VAV1: variants seen among roughly 807,000 people sequenced by gnomAD.
VAV1 encodes proto-oncogene vav.
In VAV1, 33 loss-of-function variants were observed where a neutral mutation model predicts 128.1. The ratio of observed to expected loss-of-function variants is 0.26; its 90% confidence interval spans 0.20 to 0.34. VAV1 has a LOEUF of 0.34. VAV1 is among the 10% of genes least tolerant of loss of function. The pLI, the probability that VAV1 is intolerant of heterozygous loss-of-function variation, is 1.00. For synonymous variants in VAV1, 394 were observed against 409.8 expected, an observed-to-expected ratio of 0.96 and a Z score of 0.47; for missense variants, 715 against 1,093.7, an observed-to-expected ratio of 0.65 and a Z score of 4.88.
At position 6,824,911 on chromosome 19, in the gene VAV1, T is replaced by C. The variant is rs1304360495; in HGVS notation, c.655-142T>C. The stretch of plus-strand genomic sequence containing the variant: ...TTTGGGTTATTATGAATAATTTCAC[T>C]GTGAACATTCTTGTACAAGTTTTTG... On this transcript the variant is annotated intron_variant, in intron 6 of 26. Transcript: ENST00000602142. 5.6e-6 allele frequency: 5 copies of C among 896,842 alleles called. No individual in the cohort carries two copies. The African/African-American group carries it at 6.6e-5, about 12-fold the overall frequency. 55.6% of individuals were successfully genotyped at this position (896,842 alleles called of 1,614,324 possible).
At chr19:6,795,275 C>A (rs1971107001) in intron 1 of VAV1, among the ~76,000 whole-genome samples, 1 of 151,898 alleles carries the variant, frequency 6.6e-6, no homozygotes, top group South Asian at 2.1e-4. Flanking sequence ...CCTGGCAGCG[C>A]AAAACAAAGG....
intron 1 of VAV1, among the ~76,000 whole-genome samples, chr19:6,799,329 G>C (rs1201120581): frequency 6.6e-6 from 1 of 151,964 alleles, no homozygotes; most frequent in Non-Finnish European, 1.5e-5. Flanking sequence ...CACCACGCCT[G>C]GCTAATTTTT....
chr19:6,789,597 T>C (rs958705464), intron 1 of VAV1, among the ~76,000 whole-genome samples: 1 of 151,196 alleles, frequency 6.6e-6, no homozygotes, highest in African/African-American at 2.4e-5. Flanking sequence ...CTTTCCCTCC[T>C]TCCTTCCTTC....
At chr19:6,795,796 G>C (rs1489705186) in intron 1 of VAV1, among the ~76,000 whole-genome samples, 2 of 152,188 alleles carry the variant, frequency 1.3e-5, no homozygotes, top group African/African-American at 4.8e-5. Flanking sequence ...TGATTCTCCT[G>C]TCTCAGCCTC....
intron 1 of VAV1, among the ~76,000 whole-genome samples, chr19:6,806,288 T>C (rs756041810): frequency 2.6e-5 from 4 of 152,208 alleles, no homozygotes; most frequent in Non-Finnish European, 4.4e-5. Context: ...GGTTTCACCA[T>C]GTTGGTCTGG....
At chr19:6,849,707 AATTC>A (rs1258397775) in intron 23 of VAV1, among the ~76,000 whole-genome samples, 11 of 152,118 alleles carry the variant, frequency 7.2e-5, no homozygotes, top group Non-Finnish European at 1.6e-4. Context: ...TTTCTGTATT[AATTC>A]ATTTAGGATA....
intron 26 of VAV1, among the ~76,000 whole-genome samples, chr19:6,856,350 G>T (rs990736162): frequency 3.3e-5 from 5 of 151,884 alleles, no homozygotes; most frequent in African/African-American, 1.2e-4. Flanking sequence ...GCAGGGAGGG[G>T]AACAGACAAA....
intron 1 of VAV1, among the ~76,000 whole-genome samples, chr19:6,811,085 G>T (rs1484808468): frequency 1.3e-5 from 2 of 151,964 alleles, no homozygotes; most frequent in African/African-American, 4.8e-5. Flanking sequence ...GCCCAGGCTG[G>T]AGTGCAGTGG....
intron 1 of VAV1, among the ~76,000 whole-genome samples, chr19:6,795,746 C>T (rs371344768): frequency 2.1e-4 from 32 of 152,192 alleles, no homozygotes; most frequent in South Asian, 1.7e-3. Context: ...TGCAGTGGTG[C>T]GATCTCAGCT....
intron 1 of VAV1, among the ~76,000 whole-genome samples, chr19:6,789,122 TGGAG>T (rs1970958476): frequency 6.6e-6 from 1 of 152,232 alleles, no homozygotes; most frequent in South Asian, 2.1e-4. Flanking sequence ...AAACCAGTTT[TGGAG>T]GGAGTGAGCT....
intron 21 of VAV1, among the ~76,000 whole-genome samples, chr19:6,841,167 G>A (rs1244596645): frequency 6.6e-6 from 1 of 151,708 alleles, no homozygotes; most frequent in Non-Finnish European, 1.5e-5. Flanking sequence ...CACCCTCCTT[G>A]GCTTCCCAAA....
chr19:6,818,548 A>G lies in VAV1; in HGVS notation c.205-2154A>G, dbSNP rs113999562. 5.0e-3 allele frequency among the ~76,000 whole-genome samples: 765 copies of G among 152,212 alleles called. 5 individuals carry two copies. The highest frequency in any genetic ancestry group is 0.018 in the African/African-American group (742 of 41,520). ...CTTGGAATACACTTTCTTGTGTGCTATGGGTTGAACTGTGTCCCCCCAAAA... is the reference window on the plus strand; with the variant it reads ...CTTGGAATACACTTTCTTGTGTGCTGTGGGTTGAACTGTGTCCCCCCAAAA... On this transcript the variant is annotated intron_variant, in intron 1 of 26. Transcript: ENST00000602142.
intron 1 of VAV1, among the ~76,000 whole-genome samples, chr19:6,814,671 CCTTTCTTTCTTTCTTTCTTTCTTT>C (rs71177121): frequency 5.8e-4 from 15 of 25,784 alleles, no homozygotes; most frequent in African/African-American, 1.8e-3. Flanking sequence ...TTCCTTCCTT[CCTTTCTTTCTTTCTTTCTTTCTTT>C]CTTTCTTTCT....
rs1055030891 is a variant in VAV1, at chr19:6,826,007, G to A, written c.827+601G>A. Among the ~76,000 whole-genome samples, 1 of 147,728 alleles carries A rather than the reference G, an allele frequency of 6.8e-6. No homozygotes were observed. The highest frequency in any genetic ancestry group is 1.5e-5 in the Non-Finnish European group (1 of 66,866). On this transcript the variant is annotated intron_variant, in intron 8 of 26. Transcript: ENST00000602142. The surrounding 1 kb of genome is among the most constrained non-coding windows in gnomAD (Gnocchi z 4.1). ...GCAGTGAGTCAAGATCATGCCACTG[G>A]ACTCCAGCCTAGGCAACAGAGCAAG...
At position 6,828,221 on chromosome 19, in the gene VAV1, T is replaced by C. The variant is rs367830862; in HGVS notation, c.1023+50T>C. The C allele has an allele frequency of 1.9e-6, 3 of 1,604,172 alleles. No individual in the cohort carries two copies. The African/African-American group carries it at 4.0e-5, about 21-fold the overall frequency. ...GGCTCCACGTACCTACTCTCCTGTG[T>C]CTATAAAAGTGGGGACGGGGCTGGC... On this transcript the variant is annotated intron_variant, in intron 10 of 26. Transcript: ENST00000602142. This position sits in a 1 kb window ranked among gnomAD's most constrained non-coding sequence, Gnocchi z 4.5.
intron 1 of VAV1, among the ~76,000 whole-genome samples, chr19:6,812,819 ATGG>A (rs984576811): frequency 2.0e-5 from 3 of 151,974 alleles, no homozygotes; most frequent in African/African-American, 4.8e-5. Flanking sequence ...GATGATGGTG[ATGG>A]TGGTGATAAT....
rs547351815 is a variant in VAV1 at position 6,788,468 on chromosome 19, G to T, written c.204+15457G>T. 3.7e-4 allele frequency among the ~76,000 whole-genome samples: 56 copies of T among 149,794 alleles called. 2 individuals carry two copies. In the South Asian group the frequency reaches 0.012, roughly 31 times the overall value. On this transcript the variant is annotated intron_variant, in intron 1 of 26. Transcript: ENST00000602142. ...GCTCAGTGCAACCTCCACCTCCTGG[G>T]TTCAAGTAATTCTTGTGCCTCAGCC...
chr19:6,823,423 C>T (rs902969020), intron 6 of VAV1, among the ~76,000 whole-genome samples: 1 of 150,812 alleles, frequency 6.6e-6, no homozygotes, highest in African/African-American at 2.4e-5. Flanking sequence ...CTGTGCCTGG[C>T]TTATATATCT....
intron 1 of VAV1, among the ~76,000 whole-genome samples, chr19:6,806,367 G>A (rs1379961454): frequency 6.6e-6 from 1 of 152,206 alleles, no homozygotes; most frequent in Non-Finnish European, 1.5e-5. Flanking sequence ...TTCCAGGCGT[G>A]AGCCACCATG....
Sources: allele counts gnomAD v4.1 joint callset (sites outside exome capture counted in the v4.1 genomes callset), GRCh38; gene constraint gnomAD v4.1.1; non-coding constraint Gnocchi (gnomAD v3.1); transcripts MANE v1.5; gene names NCBI Gene and HGNC (gene_info 2026-07-23, HGNC 2026-07-21).